The following MAMDC4 variants were observed in gnomAD, a reference collection of about 807,000 sequenced individuals.
The protein encoded by MAMDC4 is MAM domain containing 4, also known as apical endosomal glycoprotein.
A neutral mutation model predicts 153.3 loss-of-function variants in MAMDC4; 168 were observed. The observed-to-expected ratio is 1.10, with a 90% CI of 0.97 to 1.25. MAMDC4 has a LOEUF of 1.25. MAMDC4 is among the 50% of genes most tolerant of loss of function. The pLI is 0.00. For synonymous variants in MAMDC4, 744 were observed against 651.5 expected (o/e 1.14, Z -2.16); for missense variants, 1,701 against 1,542.8 (o/e 1.10, Z -1.72).
At position 136,857,414 on chromosome 9, in the gene MAMDC4, G is replaced by A; in HGVS notation, c.2154G>A (p.Leu718=). Residue 718 remains leucine (L), a synonymous_variant, in exon 18 of 27, where the codon CTG becomes CTA. Coordinates refer to ENST00000317446, the MANE Select transcript of MAMDC4 (RefSeq NM_206920.3). ...LRDGYHGTMA[L]DDVAVRPGPC... The stretch of plus-strand genomic sequence containing the variant: ...ACGGATACCACGGCACCATGGCGCT[G>A]GACGATGTGGCCGTGCGGCCGGGCC... 1 of 1,608,236 alleles carries A rather than the reference G, an allele frequency of 6.2e-7. No individual in the cohort carries two copies. Among genetic ancestry groups the A allele is most frequent in the East Asian group, 2.2e-5 (1 of 44,872 alleles).
rs1848966588 is a variant in MAMDC4, at chr9:136,854,035, TG to T, written c.631del (p.Ala211LeufsTer2). Reference protein sequence around the residue: ...ATRNATHRGAVALDDLEFWDC... With the variant: ...ATRNATHRGAXALDDLEFWDC... The stretch of plus-strand genomic sequence containing the variant: ...CGAAATGCCACCCACAGGGGCGCTG[TG>T]GCTCTAGATGACCTAGAGTTCTGGG... On this transcript the variant is annotated frameshift_variant, in exon 6 of 27. Transcript: ENST00000317446. LOFTEE classifies it high-confidence loss of function. 1 of 1,612,776 alleles carries T rather than the reference TG, an allele frequency of 6.2e-7. No homozygotes were observed. The highest frequency in any genetic ancestry group is 1.7e-5 in the Admixed American group (1 of 60,002).
chr9:136,853,718 CGGGTGG>C, intron 4 of MAMDC4, 48 bp downstream of exon 4: 1 of 496,326 alleles, frequency 2.0e-6, no homozygotes, highest in Non-Finnish European at 3.8e-6. Flanking sequence ...AAGGGGAGGG[CGGGTGG>C]GCAGCTGGGG....
chr9:136,857,833 G>C, intron 19 of MAMDC4, 37 bp downstream of exon 19: 1 of 1,600,126 alleles, frequency 6.2e-7, no homozygotes, highest in Non-Finnish European at 8.5e-7. Flanking sequence ...GTGGGCTCAG[G>C]GAAGCTTGGC....
chr9:136,856,853 G>A, intron 15 of MAMDC4, 27 bp downstream of exon 15: 1 of 1,612,506 alleles, frequency 6.2e-7, no homozygotes, highest in South Asian at 1.1e-5. Flanking sequence ...GACCGGGGGT[G>A]GCTTTCAGAC....
chr9:136,857,430 C>G lies in MAMDC4; in HGVS notation c.2170C>G (p.Arg724Gly), dbSNP rs565278277. Residue 724 changes from arginine (R) to glycine (G), a missense_variant, in exon 18 of 27, where the codon CGG (arginine) becomes GGG (glycine). By Grantham distance (125) the Arg-to-Gly change is moderately radical (BLOSUM62 -2). Coordinates refer to ENST00000317446, the MANE Select transcript of MAMDC4 (RefSeq NM_206920.3). The part of the protein sequence containing the change: ...GTMALDDVAV[R>G]PGPCWAPNYC... ...CATGGCGCTGGACGATGTGGCCGTG[C>G]GGCCGGGCCCCTGCTGGGCCCCTAA... 1.7e-5 allele frequency: 28 copies of G among 1,608,100 alleles called. No homozygotes were observed. The highest frequency in any genetic ancestry group is 2.2e-5 in the Non-Finnish European group (26 of 1,179,904).
At chr9:136,857,836 A>C (rs1288470798) in intron 19 of MAMDC4, 40 bp downstream of exon 19, 3 of 1,596,956 alleles carry the variant, frequency 1.9e-6, no homozygotes, top group Non-Finnish European at 2.6e-6. Flanking sequence ...GGCTCAGGGA[A>C]GCTTGGCCTG....
At chr9:136,860,491 A>C in intron 26 of MAMDC4, 71 bp from the exon 27 acceptor site, 4 of 1,521,064 alleles carry the variant, frequency 2.6e-6, no homozygotes, top group Non-Finnish European at 2.7e-6. Context: ...ATTGCACTCC[A>C]TCCTGGTTGA....
chr9:136,855,596 G>A lies in MAMDC4; in HGVS notation c.1448G>A (p.Gly483Glu). 6.3e-7 allele frequency: 1 copy of A among 1,585,934 alleles called. No homozygotes were observed. The highest frequency in any genetic ancestry group is 1.1e-5 in the South Asian group (1 of 87,400). ...TGTGACTTCGAGGAGCAGTGCGCAG[G>A]GGGCGAGGACGAGCAGGCCTGTGGT... ...QLCDFEEQCA[G>E]GEDEQACGTT... The change falls in exon 12 of 27, where the codon GGG (glycine) becomes GAG (glutamate). Residue 483 changes from glycine to glutamate, a missense_variant. Coordinates refer to ENST00000317446, the MANE Select transcript of MAMDC4 (RefSeq NM_206920.3).
In MAMDC4 at chr9:136,856,778, C is replaced by G; in HGVS notation, c.1789C>G (p.Arg597Gly). Residue 597 changes from arginine (R) to glycine (G), a missense_variant, in exon 15 of 27, where the codon CGC (arginine) becomes GGC (glycine). Transcript: ENST00000317446. Reference protein sequence around the residue: ...YPGHLSDTHWRWVESRGPDHD... With the variant: ...YPGHLSDTHWGWVESRGPDHD... ...AGGCCACCTCTCAGACACACACTGGCGCTGGGTGGAGAGCCGCGGCCCTGA... is the reference window on the plus strand; with the variant it reads ...AGGCCACCTCTCAGACACACACTGGGGCTGGGTGGAGAGCCGCGGCCCTGA... 6.2e-7 allele frequency: 1 copy of G among 1,611,766 alleles called. No homozygotes were observed. Among genetic ancestry groups the G allele is most frequent in the South Asian group, 1.1e-5 (1 of 90,866 alleles).
In MAMDC4 at chr9:136,853,658, G is replaced by C; in HGVS notation, c.442G>C (p.Ala148Pro). The C allele has an allele frequency of 6.2e-7, 1 of 1,611,708 alleles. No individual in the cohort carries two copies. Among genetic ancestry groups the C allele is most frequent in the South Asian group, 1.1e-5 (1 of 91,000 alleles). The change falls in exon 4 of 27, where the codon GCG becomes CCG. Residue 148 changes from alanine (A) to proline (P), a missense_variant. Transcript: ENST00000317446. ...SSCKLRLWYH[A>P]ASGDVAELRV... ...TTGCAAGCTGAGGCTCTGGTACCACGCGGCCTCTGGAGGTGCACCCTGGAC... is the reference window on the plus strand; with the variant it reads ...TTGCAAGCTGAGGCTCTGGTACCACCCGGCCTCTGGAGGTGCACCCTGGAC...
chr9:136,853,984 C>T lies in MAMDC4; in HGVS notation c.586-8C>T, dbSNP rs369697632. 3 of 1,612,916 alleles carry T rather than the reference C, an allele frequency of 1.9e-6. No individual in the cohort carries two copies. Among genetic ancestry groups the T allele is most frequent in the Non-Finnish European group, 1.7e-6 (2 of 1,179,924 alleles). On this transcript the variant is annotated splice_region_variant and splice_polypyrimidine_tract_variant and intron_variant, in intron 5 of 26. Coordinates refer to ENST00000317446, the MANE Select transcript of MAMDC4 (RefSeq NM_206920.3). ...CTGACTTAGGTCCTAAGAGCCTGTT[C>T]TCTTCAGGTGACCTTCTCTGCCACC...
chr9:136,857,887 C>T (rs1394291074), intron 19 of MAMDC4, 91 bp downstream of exon 19: 2 of 1,498,134 alleles, frequency 1.3e-6, no homozygotes, highest in South Asian at 1.3e-5. Flanking sequence ...TGGGGAGCCT[C>T]TTGCGCCCGC....
chr9:136,852,643 C>T (rs905657473), intron 1 of MAMDC4, among the ~76,000 whole-genome samples, 181 bp downstream of exon 1: 1 of 152,178 alleles, frequency 6.6e-6, no homozygotes, highest in East Asian at 1.9e-4. Flanking sequence ...ATGGGGTCCT[C>T]GGGCCTGCCA....
At position 136,855,433 on chromosome 9, in the gene MAMDC4, G is replaced by A; in HGVS notation, c.1285G>A (p.Val429Met). 2 of 1,609,400 alleles carry A rather than the reference G, an allele frequency of 1.2e-6. No homozygotes were observed. The highest frequency in any genetic ancestry group is 8.5e-7 in the Non-Finnish European group (1 of 1,178,332). ...LSDHCRPVSEVSTLQPLPPGP... is the reference protein window; with the variant it reads ...LSDHCRPVSEMSTLQPLPPGP... Reference sequence around the variant, plus strand: ...TGACACCAGTTCTGCCCCCACAGAGGTGTCCACCCTGCAGCCGCTGCCTCC... The same window carrying A: ...TGACACCAGTTCTGCCCCCACAGAGATGTCCACCCTGCAGCCGCTGCCTCC... The change falls in exon 12 of 27, where the codon GTG (valine) becomes ATG (methionine). Residue 429 changes from valine to methionine, a missense_variant and splice_region_variant. Coordinates refer to ENST00000317446, the MANE Select transcript of MAMDC4 (RefSeq NM_206920.3).
intron 22 of MAMDC4, 53 bp downstream of exon 22, chr9:136,858,599 T>C: frequency 6.4e-7 from 1 of 1,573,650 alleles, no homozygotes. Flanking sequence ...CCTGGCCTCC[T>C]GCTGCCCACC....
chr9:136,860,549 T>C lies in MAMDC4; in HGVS notation c.3373-13T>C, dbSNP rs11145906. On this transcript the variant is annotated splice_polypyrimidine_tract_variant and intron_variant, in intron 26 of 26. Coordinates refer to ENST00000317446, the MANE Select transcript of MAMDC4 (RefSeq NM_206920.3). ...GAAAGAAAGAAAAAAAAAGCTCCTCTTCCTCCTCCTAGGATGGTGTCACCC... is the reference window on the plus strand; with the variant it reads ...GAAAGAAAGAAAAAAAAAGCTCCTCCTCCTCCTCCTAGGATGGTGTCACCC... 590 of 1,610,554 alleles carry C rather than the reference T, an allele frequency of 3.7e-4. No homozygotes were observed. The highest frequency in any genetic ancestry group is 4.8e-4 in the Non-Finnish European group (564 of 1,179,464).
At chr9:136,854,369 G>A (rs1411099294) in intron 7 of MAMDC4, 33 bp downstream of exon 7, 14 of 1,513,710 alleles carry the variant, frequency 9.2e-6, no homozygotes, top group Non-Finnish European at 1.2e-5. Context: ...GAGTGAGGCT[G>A]GGAGACTGGA....
In MAMDC4 at chr9:136,860,646, A is replaced by G; in HGVS notation, c.*43A>G. 6.2e-7 allele frequency: 1 copy of G among 1,610,272 alleles called. No individual in the cohort carries two copies. Among genetic ancestry groups the G allele is most frequent in the South Asian group, 1.1e-5 (1 of 91,016 alleles). ...CCCGCTTCCTCACGTGACATCCAGC[A>G]CTTGGTCAGACCCTAGCCAGGGACC... is the stretch of plus-strand genomic sequence containing the variant. On this transcript the variant is annotated 3_prime_UTR_variant, in exon 27 of 27. Coordinates refer to ENST00000317446, the MANE Select transcript of MAMDC4 (RefSeq NM_206920.3).
In MAMDC4 at chr9:136,853,459, GTGAGGCCA is replaced by G. The variant is rs1848956728; in HGVS notation, c.328+2_328+9del. 1.2e-6 allele frequency: 2 copies of G among 1,604,260 alleles called. No individual in the cohort carries two copies. Among genetic ancestry groups the G allele is most frequent in the Non-Finnish European group, 1.7e-6 (2 of 1,173,828 alleles). ...GACCACACACTGGGCACCGACTTGG[GTGAGGCCA>G]GGGCAAGTCTCTGTGCGCCCCTGTC... On this transcript the variant is annotated splice_donor_variant and splice_donor_5th_base_variant and intron_variant, in intron 3 of 26. Coordinates refer to ENST00000317446, the MANE Select transcript of MAMDC4 (RefSeq NM_206920.3). LOFTEE classifies it high-confidence loss of function.
Sources: gnomAD v4.1 joint callset for allele counts (sites outside exome capture counted in the v4.1 genomes callset) on GRCh38, gnomAD v4.1.1 for gene constraint, MANE v1.5 for transcripts, NCBI Gene and HGNC (gene_info 2026-07-23, HGNC 2026-07-21) for gene names.